Variants in ITSN2 observed in about 807,000 individuals in gnomAD.
ITSN2 encodes the protein intersectin-2.
ITSN2 carries 156 observed loss-of-function variants against 243.7 expected under a neutral mutation model. The ratio of observed to expected loss-of-function variants is 0.64; its 90% CI spans 0.56 to 0.73. The LOEUF is 0.73. ITSN2 is among the 30% of genes least tolerant of loss of function. ITSN2 has a pLI of 0.00. For synonymous variants in ITSN2, 703 were observed against 699.9 expected, an observed-to-expected ratio of 1.00 and a Z score of -0.07; for missense variants, 1,801 against 1,996.1, an observed-to-expected ratio of 0.90 and a Z score of 1.86.
intron 37 of ITSN2, among the ~76,000 whole-genome samples, chr2:24,206,706 G>A (rs1668925068): frequency 6.6e-6 from 1 of 152,174 alleles, no homozygotes; most frequent in African/African-American, 2.4e-5. Context: ...TGCTGGCCCC[G>A]ATGTGGGAGG....
Position 24,204,029 on chromosome 2 carries a change from G to A in ITSN2, c.4936+216C>T. On this transcript the variant is annotated intron_variant, in intron 39 of 39. Coordinates refer to ENST00000355123, the MANE Select transcript of ITSN2 (RefSeq NM_006277.3). The surrounding 1 kb of genome is among the most constrained non-coding windows in gnomAD (Gnocchi z 5.1). ...TCCAGGAGTGGTGTTCACGTCGTGT[G>A]TGTAGGGAGTGATGGGTCAAAGACC... is the stretch of plus-strand genomic sequence containing the variant. 1.6e-6 allele frequency: 1 copy of A among 630,998 alleles called. No individual in the cohort carries two copies. The highest frequency in any genetic ancestry group is 2.7e-6 in the Non-Finnish European group (1 of 364,868). The allele number at this position is 630,998 out of a possible 1,614,324, so 39.1% of individuals were successfully genotyped here. A position where few individuals can be genotyped will look rare whatever the true frequency, so the allele number is the denominator to read the frequency against.
intron 1 of ITSN2, chr2:24,330,334 C>T: frequency 6.4e-6 from 3 of 469,276 alleles, no homozygotes; most frequent in South Asian, 5.3e-5. Context: ...GAACCCCGGA[C>T]TGACCAAAGC....
At chr2:24,274,415 A>G (rs772434084) in intron 18 of ITSN2, among the ~76,000 whole-genome samples, 5 of 151,792 alleles carry the variant, frequency 3.3e-5, no homozygotes, top group Non-Finnish European at 5.9e-5. Context: ...ATTAAAATTC[A>G]AAAAAAATTA....
At chr2:24,299,064 C>T (rs1455594743) in intron 12 of ITSN2, among the ~76,000 whole-genome samples, 8 of 138,706 alleles carry the variant, frequency 5.8e-5, no homozygotes, top group African/African-American at 2.2e-4. Flanking sequence ...GCATCTTGCT[C>T]TGTCACCCAG....
chr2:24,221,972 CAT>C (rs2151152566), intron 29 of ITSN2, among the ~76,000 whole-genome samples: 1 of 152,304 alleles, frequency 6.6e-6, no homozygotes, highest in Admixed American at 6.5e-5. Flanking sequence ...AGCAGCCGGG[CAT>C]GGTGGCTCAC....
intron 20 of ITSN2, among the ~76,000 whole-genome samples, chr2:24,268,944 C>T (rs1296358775): frequency 2.0e-5 from 3 of 152,168 alleles, no homozygotes; most frequent in Non-Finnish European, 4.4e-5. Context: ...ACTGATACTG[C>T]TGTCCTCAAG....
intron 1 of ITSN2, among the ~76,000 whole-genome samples, chr2:24,345,655 T>G (rs1469060913): frequency 6.6e-6 from 1 of 152,170 alleles, no homozygotes; most frequent in Non-Finnish European, 1.5e-5. Flanking sequence ...CCCATCAGTC[T>G]CTGAAAATAC....
intron 17 of ITSN2, 111 bp downstream of exon 17, chr2:24,284,650 GTA>G: frequency 2.9e-6 from 2 of 684,302 alleles, no homozygotes; most frequent in Non-Finnish European, 5.2e-6. Context: ...GGCTTATATT[GTA>G]TATGTTATTT....
intron 24 of ITSN2, among the ~76,000 whole-genome samples, chr2:24,252,857 G>A (rs768512033): frequency 2.1e-4 from 32 of 152,286 alleles, no homozygotes; most frequent in Non-Finnish European, 3.8e-4. Context: ...CAGTTATTCA[G>A]ATAATGGAGT....
intron 37 of ITSN2, chr2:24,205,581 C>T (rs1278012266): frequency 1.3e-5 from 5 of 382,330 alleles, no homozygotes; most frequent in South Asian, 2.5e-5. Context: ...CCCTTCCCTC[C>T]TCTGCATCCA....
At position 24,248,698 on chromosome 2, in the gene ITSN2, G is replaced by A. The variant is rs1262062273; in HGVS notation, c.3219C>T (p.Ser1073=). 1.2e-6 allele frequency: 2 copies of A among 1,613,000 alleles called. No homozygotes were observed. Among genetic ancestry groups the A allele is most frequent in the East Asian group, 4.5e-5 (2 of 44,774 alleles). ...AYVASGSEQL[S]LAPGQLILIL... is the part of the protein sequence containing the mutation. ...TTAATATTAACTGTCCTGGTGCAAG[G>A]CTAAGTTGTTCAGAACCAGAAGCAA... The change falls in exon 27 of 40, where the codon AGC becomes AGT. Residue 1073 remains serine (S), a synonymous_variant. Transcript: ENST00000355123.
intron 20 of ITSN2, among the ~76,000 whole-genome samples, chr2:24,263,681 T>C (rs1434688686): frequency 1.3e-5 from 2 of 152,232 alleles, no homozygotes; most frequent in Admixed American, 6.5e-5. Flanking sequence ...TCATACTATA[T>C]GTATCCTTTT....
At chr2:24,269,348 A>G (rs1242378472) in intron 20 of ITSN2, among the ~76,000 whole-genome samples, 1 of 152,212 alleles carries the variant, frequency 6.6e-6, no homozygotes, top group Non-Finnish European at 1.5e-5. Context: ...AACTGAACTC[A>G]TAATTCTACT....
intron 15 of ITSN2, among the ~76,000 whole-genome samples, chr2:24,289,134 GCTTTTT>G (rs1459565868): frequency 6.6e-6 from 1 of 152,062 alleles, no homozygotes; most frequent in East Asian, 1.9e-4. Flanking sequence ...TTTTAAAATT[GCTTTTT>G]CTATTTCTGT....
Position 24,204,119 on chromosome 2 carries a change from G to T in ITSN2, c.4936+126C>A. Reference sequence around the variant, plus strand: ...CACCCACCTGCTGCCAAAGCGAGATGACACAGGCCTGTGTCACTTCCCTGA... The same window carrying T: ...CACCCACCTGCTGCCAAAGCGAGATTACACAGGCCTGTGTCACTTCCCTGA... On this transcript the variant is annotated intron_variant, in intron 39 of 39. Transcript: ENST00000355123. This position sits in a 1 kb window ranked among gnomAD's most constrained non-coding sequence, Gnocchi z 5.1. The T allele has an allele frequency of 1.1e-6, 1 of 940,626 alleles. No homozygotes were observed. The highest frequency in any genetic ancestry group is 2.4e-5 in the Admixed American group (1 of 41,368). 58.3% of individuals were successfully genotyped at this position (940,626 alleles called of 1,614,324 possible).
chr2:24,347,014 G>A (rs985654571), intron 1 of ITSN2, among the ~76,000 whole-genome samples: 4 of 151,708 alleles, frequency 2.6e-5, no homozygotes, highest in Non-Finnish European at 4.4e-5. Context: ...ACAGGCACCC[G>A]CCACCACGCC....
intron 1 of ITSN2, among the ~76,000 whole-genome samples, chr2:24,353,720 T>C (rs1006694703): frequency 4.6e-5 from 7 of 152,136 alleles, no homozygotes; most frequent in African/African-American, 1.7e-4. Context: ...AAAACATATA[T>C]CAAGAGTCCC....
chr2:24,327,260 T>C (rs983164115), intron 2 of ITSN2, among the ~76,000 whole-genome samples: 12 of 152,076 alleles, frequency 7.9e-5, no homozygotes, highest in Non-Finnish European at 1.0e-4. Context: ...TTAAAAACTT[T>C]TCATTATTCA....
chr2:24,261,351 C>T, intron 21 of ITSN2, 101 bp from the exon 22 acceptor site: 1 of 961,234 alleles, frequency 1.0e-6, no homozygotes, highest in Admixed American at 2.8e-5. Context: ...TGTGCTTACA[C>T]ACAATTTGTG....
Sources: allele counts gnomAD v4.1 joint callset (sites outside exome capture counted in the v4.1 genomes callset), GRCh38; gene constraint gnomAD v4.1.1; non-coding constraint Gnocchi (gnomAD v3.1); transcripts MANE v1.5; gene names NCBI Gene and HGNC (gene_info 2026-07-23, HGNC 2026-07-21).